DPP10: variants seen among roughly 807,000 people sequenced by gnomAD.
DPP10 encodes the protein inactive dipeptidyl peptidase 10.
In DPP10, 33 loss-of-function variants were observed where a neutral mutation model predicts 120.9. The observed-to-expected ratio is 0.27, with a 90% CI of 0.21 to 0.37. The LOEUF (loss-of-function observed/expected upper bound fraction) is 0.37. DPP10 is among the 10% of genes least tolerant of loss of function. The pLI is 1.00. For synonymous variants in DPP10, 337 were observed against 326.1 expected (o/e 1.03, Z -0.36); for missense variants, 816 against 942.8 (o/e 0.87, Z 1.76).
chr2:115,415,966 G>A (rs973054176), intron 3 of DPP10, among the ~76,000 whole-genome samples: 6 of 149,120 alleles, frequency 4.0e-5, no homozygotes, highest in African/African-American at 1.5e-4. Context: ...ATCTAATTTT[G>A]GAATTGCACT....
intron 5 of DPP10, among the ~76,000 whole-genome samples, chr2:115,637,761 G>A (rs1187509256): frequency 6.6e-6 from 1 of 152,134 alleles, no homozygotes; most frequent in African/African-American, 2.4e-5. Flanking sequence ...GACCTGGGGG[G>A]AAGCCTACAC....
chr2:115,140,426 G>C (rs1424239390), intron 1 of DPP10, among the ~76,000 whole-genome samples: 1 of 152,310 alleles, frequency 6.6e-6, no homozygotes, highest in East Asian at 1.9e-4. Context: ...TGATAACAAA[G>C]AGGCGAGATC....
At chr2:115,837,208 G>T (rs60204041) in intron 24 of DPP10, among the ~76,000 whole-genome samples, 1 of 152,246 alleles carries the variant, frequency 6.6e-6, no homozygotes, top group African/African-American at 2.4e-5. Context: ...GAGGTTACCC[G>T]CTTAAATGAA....
intron 1 of DPP10, among the ~76,000 whole-genome samples, chr2:114,926,835 T>C (rs1201002483): frequency 2.0e-5 from 3 of 147,016 alleles, no homozygotes; most frequent in Non-Finnish European, 4.5e-5. Context: ...CCTTTTGAGC[T>C]TGGGGGAAGA....
chr2:114,637,679 G>T (rs1199024265), intron 1 of DPP10, among the ~76,000 whole-genome samples: 5 of 151,784 alleles, frequency 3.3e-5, no homozygotes, highest in Non-Finnish European at 7.4e-5. Context: ...ACAGGTGGGG[G>T]TCTAGTTTTA....
intron 1 of DPP10, among the ~76,000 whole-genome samples, chr2:114,749,024 T>G (rs1416128733): frequency 1.5e-5 from 2 of 134,664 alleles, no homozygotes; most frequent in Non-Finnish European, 3.1e-5. Flanking sequence ...CCACCAACAG[T>G]GTAAAAGTGT....
chr2:114,465,955 G>A (rs1679329995), intron 1 of DPP10, among the ~76,000 whole-genome samples: 1 of 152,114 alleles, frequency 6.6e-6, no homozygotes, highest in African/African-American at 2.4e-5. Flanking sequence ...TCATCTAGCT[G>A]TGCGTTGTGT....
chr2:115,277,447 C>CTT (rs70941038), intron 1 of DPP10, among the ~76,000 whole-genome samples: 753 of 49,798 alleles, frequency 0.015, 41 homozygotes, highest in African/African-American at 0.051. Flanking sequence ...CTGCCAGGGC[C>CTT]TTTTTTTTTT....
At chr2:114,612,809 A>T (rs1331545979) in intron 1 of DPP10, among the ~76,000 whole-genome samples, 1 of 152,198 alleles carries the variant, frequency 6.6e-6, no homozygotes, top group Admixed American at 6.6e-5. Context: ...CATGAAAATC[A>T]TATTTGCTAA....
At chr2:115,682,738 A>C (rs2090743907) in intron 5 of DPP10, among the ~76,000 whole-genome samples, 1 of 151,970 alleles carries the variant, frequency 6.6e-6, no homozygotes, top group Non-Finnish European at 1.5e-5. Flanking sequence ...TATTTGAGTC[A>C]TCAGCCATCC....
intron 1 of DPP10, among the ~76,000 whole-genome samples, chr2:115,041,637 C>G (rs1365865116): frequency 1.3e-5 from 2 of 152,086 alleles, no homozygotes; most frequent in African/African-American, 4.8e-5. Flanking sequence ...TTATTCTTCC[C>G]TTTTGTATCA....
intron 3 of DPP10, among the ~76,000 whole-genome samples, chr2:115,447,449 A>C (rs561334018): frequency 2.6e-5 from 4 of 152,136 alleles, no homozygotes; most frequent in Non-Finnish European, 5.9e-5. Flanking sequence ...AAAGGGCATG[A>C]GATTTGGGAG....
chr2:115,088,422 A>G (rs997899568), intron 1 of DPP10, among the ~76,000 whole-genome samples: 20 of 152,128 alleles, frequency 1.3e-4, no homozygotes, highest in Admixed American at 4.6e-4. Flanking sequence ...AAAAAAATCA[A>G]AAACAACTTT....
At chr2:115,787,882 A>C (rs529994852) in intron 17 of DPP10, among the ~76,000 whole-genome samples, 1 of 152,202 alleles carries the variant, frequency 6.6e-6, no homozygotes, top group Non-Finnish European at 1.5e-5. Flanking sequence ...GACTACAGAC[A>C]TCTCATCAGA....
At chr2:114,480,829 C>T (rs907224791) in intron 1 of DPP10, among the ~76,000 whole-genome samples, 1 of 151,646 alleles carries the variant, frequency 6.6e-6, no homozygotes, top group Non-Finnish European at 1.5e-5. Context: ...TCACGTTGTG[C>T]ACATGTACCC....
chr2:115,730,505 C>G (rs1165761078), intron 8 of DPP10, among the ~76,000 whole-genome samples: 1 of 152,140 alleles, frequency 6.6e-6, no homozygotes, highest in Non-Finnish European at 1.5e-5. Context: ...TGGTCTGTAA[C>G]GTCGATGAAG....
intron 1 of DPP10, among the ~76,000 whole-genome samples, chr2:114,938,309 T>G (rs1696634788): frequency 6.6e-6 from 1 of 152,152 alleles, no homozygotes; most frequent in African/African-American, 2.4e-5. Flanking sequence ...GTATAAAAAT[T>G]GTTTAGCTAA....
At chr2:114,646,159 CAAATAAAT>C (rs3029136) in intron 1 of DPP10, among the ~76,000 whole-genome samples, 66 of 140,814 alleles carry the variant, frequency 4.7e-4, no homozygotes, top group Admixed American at 7.1e-4. Context: ...GCCTCAGTCT[CAAATAAAT>C]AAATAAATAA....
chr2:114,547,362 G>A (rs72951860), intron 1 of DPP10, among the ~76,000 whole-genome samples: 1 of 152,134 alleles, frequency 6.6e-6, no homozygotes, highest in Non-Finnish European at 1.5e-5. Context: ...AGGCATCGGG[G>A]TTGGCACCTG....
Sources: allele counts gnomAD v4.1 joint callset (sites outside exome capture counted in the v4.1 genomes callset), GRCh38; gene constraint gnomAD v4.1.1; transcripts MANE v1.5; gene names NCBI Gene and HGNC (gene_info 2026-07-23, HGNC 2026-07-21).